The following FILIP1L variants were observed in gnomAD, a reference collection of about 807,000 sequenced individuals.
FILIP1L encodes filamin A interacting protein 1 like, also known as filamin A-interacting protein 1-like.
A neutral mutation model predicts 96.6 loss-of-function variants in FILIP1L; 55 were observed. The ratio of observed to expected loss-of-function variants is 0.57; its 90% confidence interval spans 0.46 to 0.71. The LOEUF (loss-of-function observed/expected upper bound fraction) is 0.71. Ranked by LOEUF, FILIP1L falls within the 30% of genes least tolerant of loss-of-function variation. The pLI is 0.00. For missense variants in FILIP1L, 1,304 were observed against 1,321.2 expected (o/e 0.99, Z 0.20); for synonymous variants, 467 against 473.9 (o/e 0.99, Z 0.19).
At chr3:100,080,356 T>G (rs1028989402) in intron 1 of FILIP1L, among the ~76,000 whole-genome samples, 1 of 152,104 alleles carries the variant, frequency 6.6e-6, no homozygotes, top group Admixed American at 6.6e-5. Flanking sequence ...GGGTTCTGAC[T>G]CTCCCTGAAC....
intron 5 of FILIP1L, chr3:99,847,773 C>A: frequency 5.6e-6 from 1 of 179,768 alleles, no homozygotes; most frequent in Non-Finnish European, 1.1e-5. Flanking sequence ...CTTTTCTCTC[C>A]TCTAATATGT....
intron 4 of FILIP1L, among the ~76,000 whole-genome samples, chr3:99,864,025 C>T (rs1944387832): frequency 6.6e-6 from 1 of 152,126 alleles, no homozygotes; most frequent in South Asian, 2.1e-4. Flanking sequence ...TTTACAACTT[C>T]ATGCTAAAGA....
rs552142125 is a variant in FILIP1L at position 99,860,833 on chromosome 3, G to A, written c.606-9763C>T. ...ACTTCTGCAGTACTGTATTGTTAGG[G>A]AGCTTTCTAGTAAGAACCTTTGGAC... On this transcript the variant is annotated intron_variant, in intron 4 of 5. Coordinates refer to ENST00000477258, the MANE Select transcript of FILIP1L (RefSeq NM_001387850.1). 2.6e-5 allele frequency among the ~76,000 whole-genome samples: 4 copies of A among 152,248 alleles called. No individual in the cohort carries two copies. In the South Asian group the frequency reaches 8.3e-4, roughly 32 times the overall value.
At chr3:99,840,690 G>T (rs1943095651) in intron 5 of FILIP1L, among the ~76,000 whole-genome samples, 1 of 152,160 alleles carries the variant, frequency 6.6e-6, no homozygotes, top group South Asian at 2.1e-4. Flanking sequence ...AAGGAGGGTG[G>T]CAAGACTTCA....
intron 1 of FILIP1L, among the ~76,000 whole-genome samples, chr3:100,010,735 C>T (rs1230099819): frequency 6.6e-6 from 1 of 150,872 alleles, no homozygotes; most frequent in Non-Finnish European, 1.5e-5. Flanking sequence ...CTGCCTCAGC[C>T]TCCTGAGTAG....
chr3:99,929,856 C>T lies in FILIP1L; in HGVS notation c.426G>A (p.Glu142=), dbSNP rs1576580362. ...TACACACCCCTATTGTGGTACATAC[C>T]TCATTCATTGGTTTCTCATAGATGT... is the stretch of plus-strand genomic sequence containing the variant. ...QEDIYEKPMN[E]LDKVVEKHKE... Residue 142 remains glutamate (E), a splice_region_variant and synonymous_variant, in exon 3 of 6, where the codon GAG becomes GAA. Coordinates refer to ENST00000477258, the MANE Select transcript of FILIP1L (RefSeq NM_001387850.1). 6.2e-7 allele frequency: 1 copy of T among 1,610,238 alleles called. No individual in the cohort carries two copies. The highest frequency in any genetic ancestry group is 8.5e-7 in the Non-Finnish European group (1 of 1,178,222).
chr3:99,856,318 G>T (rs1342914908), intron 4 of FILIP1L, among the ~76,000 whole-genome samples: 2 of 152,224 alleles, frequency 1.3e-5, no homozygotes, highest in African/African-American at 4.8e-5. Context: ...ATGAATAGTG[G>T]ACGTAGACGT....
At chr3:99,896,455 G>T (rs1706255791) in intron 4 of FILIP1L, among the ~76,000 whole-genome samples, 1 of 152,074 alleles carries the variant, frequency 6.6e-6, no homozygotes, top group African/African-American at 2.4e-5. Flanking sequence ...GGGGATTTTG[G>T]TTTTTTTCAT....
intron 1 of FILIP1L, among the ~76,000 whole-genome samples, chr3:99,935,001 C>G (rs771281812): frequency 1.3e-5 from 2 of 152,068 alleles, no homozygotes; most frequent in Non-Finnish European, 2.9e-5. Flanking sequence ...TACTGAGGAG[C>G]ATGTGTCTCT....
At chr3:99,832,012 T>C (rs1168224851) in intron 5 of FILIP1L, among the ~76,000 whole-genome samples, 1 of 152,230 alleles carries the variant, frequency 6.6e-6, no homozygotes, top group Admixed American at 6.5e-5. Flanking sequence ...TGAGCAACAC[T>C]GATACGTGTT....
At chr3:99,906,779 A>G (rs1306455888) in intron 4 of FILIP1L, among the ~76,000 whole-genome samples, 1 of 152,186 alleles carries the variant, frequency 6.6e-6, no homozygotes, top group African/African-American at 2.4e-5. Flanking sequence ...GGATTGGATC[A>G]TTGAACTATA....
At chr3:100,039,895 A>AG (rs2065174748) in intron 1 of FILIP1L, 1 of 152,160 alleles carries the variant, frequency 6.6e-6, no homozygotes, top group Non-Finnish European at 1.5e-5. Context: ...CTGGGACTAC[A>AG]GACGCCCGCC....
At position 99,830,489 on chromosome 3, in the gene FILIP1L, T is replaced by C. The variant is rs1286094365; in HGVS notation, c.3498A>G (p.Gln1166=). Residue 1166 remains glutamine, a synonymous_variant, in exon 6 of 6, where the codon CAA becomes CAG. Transcript: ENST00000477258. ...PTVPMDKPIY[Q]NGCGKLHIVR... is the part of the protein sequence containing the mutation. ...CGATGTGTAGCTTCCCACAGCCATTTTGGTAAATAGGCTTATCCATAGGCA... is the reference window on the plus strand; with the variant it reads ...CGATGTGTAGCTTCCCACAGCCATTCTGGTAAATAGGCTTATCCATAGGCA... 4 of 456,584 alleles carry C rather than the reference T, an allele frequency of 8.8e-6. No homozygotes were observed. The highest frequency in any genetic ancestry group is 4.7e-5 in the Admixed American group (2 of 42,554). The allele number at this position is 456,584 out of a possible 1,614,324, so 28.3% of individuals were successfully genotyped here. A position where few individuals can be genotyped will look rare whatever the true frequency, so the allele number is the denominator to read the frequency against.
chr3:99,895,431 G>A (rs1576554693), intron 4 of FILIP1L, among the ~76,000 whole-genome samples: 1 of 137,074 alleles, frequency 7.3e-6, no homozygotes, highest in African/African-American at 2.7e-5. Context: ...GGTAATATTT[G>A]TGGCTTATTC....
At chr3:99,924,612 G>A in intron 3 of FILIP1L, among the ~76,000 whole-genome samples, 1 of 152,116 alleles carries the variant, frequency 6.6e-6, no homozygotes, top group Non-Finnish European at 1.5e-5. Context: ...TCCGCCTCCC[G>A]GGTTTAAGCG....
intron 1 of FILIP1L, among the ~76,000 whole-genome samples, chr3:100,031,456 TAGTA>T: frequency 6.6e-6 from 1 of 152,232 alleles, no homozygotes; most frequent in African/African-American, 2.4e-5. Context: ...CATGGTGATC[TAGTA>T]AGTGAGTGAA....
At chr3:100,090,273 G>C (rs193176968) in intron 1 of FILIP1L, among the ~76,000 whole-genome samples, 1 of 152,096 alleles carries the variant, frequency 6.6e-6, no homozygotes, top group South Asian at 2.1e-4. Flanking sequence ...TAACTGTCCC[G>C]ATCTTCTGAG....
At chr3:99,920,853 CA>C (rs1707102995) in intron 4 of FILIP1L, among the ~76,000 whole-genome samples, 1 of 152,226 alleles carries the variant, frequency 6.6e-6, no homozygotes, top group African/African-American at 2.4e-5. Context: ...TCTGAGGTCT[CA>C]TTAACTACCT....
At chr3:99,978,746 T>G (rs1709038583) in intron 1 of FILIP1L, among the ~76,000 whole-genome samples, 1 of 151,822 alleles carries the variant, frequency 6.6e-6, no homozygotes, top group African/African-American at 2.4e-5. Context: ...AATAGAAAAA[T>G]TAACCAGGCA....
Sources: gnomAD v4.1 joint callset for allele counts (sites outside exome capture counted in the v4.1 genomes callset) on GRCh38, gnomAD v4.1.1 for gene constraint, MANE v1.5 for transcripts, NCBI Gene and HGNC (gene_info 2026-07-23, HGNC 2026-07-21) for gene names.